DLGAP2: variants seen among roughly 807,000 people sequenced by gnomAD.
The protein encoded by DLGAP2 is disks large-associated protein 2.
DLGAP2 carries 26 observed loss-of-function variants against 100.3 expected under a neutral mutation model. The observed-to-expected ratio is 0.26, with a 90% CI of 0.19 to 0.36. The LOEUF (loss-of-function observed/expected upper bound fraction) is 0.36. DLGAP2 is among the 10% of genes least tolerant of loss of function. The probability of loss-of-function intolerance (pLI) is 1.00; values close to 1 mark genes in which losing one functional copy is unlikely to be tolerated. For synonymous variants in DLGAP2, 886 were observed against 630.1 expected (o/e 1.41, Z -6.08); for missense variants, 1,858 against 1,453.2 (o/e 1.28, Z -4.53).
intron 2 of DLGAP2, among the ~76,000 whole-genome samples, chr8:1,100,231 T>TCCA (rs1804531045): frequency 6.7e-6 from 1 of 149,724 alleles, no homozygotes; most frequent in African/African-American, 2.4e-5. Flanking sequence ...AAAACCTTTG[T>TCCA]CCAGCATGTC....
chr8:1,360,310 C>G (rs1308050803), intron 3 of DLGAP2, among the ~76,000 whole-genome samples: 1 of 61,184 alleles, frequency 1.6e-5, no homozygotes, highest in Non-Finnish European at 3.9e-5. Flanking sequence ...CGGGGCTTCT[C>G]CGGGGCGGGG....
intron 3 of DLGAP2, among the ~76,000 whole-genome samples, chr8:1,499,873 C>T (rs989640468): frequency 1.1e-4 from 17 of 150,200 alleles, no homozygotes; most frequent in Non-Finnish European, 1.9e-4. Flanking sequence ...TGGCAGATGC[C>T]GATTTGTTGA....
chr8:1,414,489 G>C (rs994711173), intron 3 of DLGAP2, among the ~76,000 whole-genome samples: 33 of 152,238 alleles, frequency 2.2e-4, no homozygotes, highest in African/African-American at 6.5e-4. Context: ...GGGGGTCCCA[G>C]TGCAGGGTCC....
chr8:1,670,416 C>T (rs1798661319), intron 10 of DLGAP2, among the ~76,000 whole-genome samples: 2 of 152,206 alleles, frequency 1.3e-5, no homozygotes, highest in Admixed American at 6.5e-5. Flanking sequence ...TCTCCTCATC[C>T]CCCCAGCTTC....
intron 2 of DLGAP2, among the ~76,000 whole-genome samples, chr8:1,107,243 A>G (rs1241452356): frequency 6.6e-6 from 1 of 152,088 alleles, no homozygotes; most frequent in African/African-American, 2.4e-5. Context: ...TGTAAAATGG[A>G]GACAATAGCT....
chr8:1,552,959 A>C (rs920866068), intron 5 of DLGAP2, among the ~76,000 whole-genome samples: 1 of 152,194 alleles, frequency 6.6e-6, no homozygotes, highest in Non-Finnish European at 1.5e-5. Context: ...TCTAAGGTCA[A>C]ACTTTTCATG....
chr8:1,136,227 G>C (rs1796408326), intron 2 of DLGAP2, among the ~76,000 whole-genome samples: 1 of 152,078 alleles, frequency 6.6e-6, no homozygotes, highest in Non-Finnish European at 1.5e-5. Flanking sequence ...TTAGGCACAT[G>C]AGTTGGGTTG....
At chr8:1,105,136 C>T (rs1005877204) in intron 2 of DLGAP2, 20 of 152,380 alleles carry the variant, frequency 1.3e-4, no homozygotes, top group Admixed American at 3.3e-4. Context: ...TGTACAGGCT[C>T]ATACTTTATC....
intron 2 of DLGAP2, among the ~76,000 whole-genome samples, chr8:1,135,503 G>GGTTTTTT (rs1554490362): frequency 5.4e-5 from 5 of 92,236 alleles, no homozygotes; most frequent in East Asian, 7.7e-4. Context: ...TTTTTTGTGG[G>GGTTTTTT]TTTTTTTTTT....
chr8:936,366 A>T (rs959786779), intron 2 of DLGAP2, among the ~76,000 whole-genome samples: 1 of 152,112 alleles, frequency 6.6e-6, no homozygotes, highest in African/African-American at 2.4e-5. Context: ...CTCGGGAAGG[A>T]TGTTTGCTGT....
intron 2 of DLGAP2, among the ~76,000 whole-genome samples, chr8:1,011,633 G>A (rs922169708): frequency 1.3e-5 from 2 of 149,342 alleles, no homozygotes; most frequent in African/African-American, 5.0e-5. Flanking sequence ...GCCCTGGAAT[G>A]AGGGGTCTCA....
At chr8:1,246,249 A>ATGGTAGAG (rs1330301369) in intron 2 of DLGAP2, among the ~76,000 whole-genome samples, 10 of 152,216 alleles carry the variant, frequency 6.6e-5, no homozygotes, top group Non-Finnish European at 1.5e-4. Context: ...CAACCACAAA[A>ATGGTAGAG]TGGTAGAGTT....
At chr8:1,198,301 G>A (rs1234021715) in intron 2 of DLGAP2, among the ~76,000 whole-genome samples, 2 of 152,174 alleles carry the variant, frequency 1.3e-5, no homozygotes, top group Non-Finnish European at 2.9e-5. Flanking sequence ...TGACCAGAAA[G>A]CAGCCCAGAA....
At chr8:1,012,086 A>C (rs893875822) in intron 2 of DLGAP2, among the ~76,000 whole-genome samples, 2 of 152,166 alleles carry the variant, frequency 1.3e-5, no homozygotes, top group African/African-American at 4.8e-5. Context: ...CCCGTGTCGC[A>C]GGAAGACCAG....
chr8:788,056 G>A (rs1050619936), intron 1 of DLGAP2, among the ~76,000 whole-genome samples: 12 of 152,336 alleles, frequency 7.9e-5, no homozygotes, highest in Admixed American at 5.2e-4. Context: ...AAGGCACAGC[G>A]ATGGCACTGG....
At chr8:1,515,967 A>G (rs1453571533) in intron 4 of DLGAP2, among the ~76,000 whole-genome samples, 2 of 152,126 alleles carry the variant, frequency 1.3e-5, no homozygotes, top group Admixed American at 6.5e-5. Context: ...GAGTGAGTGA[A>G]TGACTGGATG....
intron 1 of DLGAP2, among the ~76,000 whole-genome samples, chr8:894,738 G>C (rs1246368401): frequency 7.3e-5 from 10 of 137,402 alleles, no homozygotes; most frequent in African/African-American, 2.8e-4. Flanking sequence ...GGCAGGGCAG[G>C]GTGGGGAGAG....
chr8:738,935 C>A, intron 1 of DLGAP2: 1 of 152,904 alleles, frequency 6.5e-6, no homozygotes, highest in South Asian at 1.8e-4. Flanking sequence ...GTCGGAAACT[C>A]GCGGCCCCCG....
chr8:1,481,815 G>T (rs1454144627), intron 3 of DLGAP2, among the ~76,000 whole-genome samples: 6 of 152,130 alleles, frequency 3.9e-5, no homozygotes, highest in Non-Finnish European at 7.4e-5. Flanking sequence ...CCCAGAAGGG[G>T]AATTTAAAAA....
Sources: allele counts gnomAD v4.1 joint callset (sites outside exome capture counted in the v4.1 genomes callset), GRCh38; gene constraint gnomAD v4.1.1; transcripts MANE v1.5; gene names NCBI Gene and HGNC (gene_info 2026-07-23, HGNC 2026-07-21).